VAC14: variants seen among roughly 807,000 people sequenced by gnomAD.
VAC14 encodes protein VAC14 homolog.
VAC14 carries 47 observed loss-of-function variants against 85.3 expected under a neutral mutation model. The observed-to-expected ratio is 0.55, with a 90% CI of 0.44 to 0.70. VAC14 has a LOEUF of 0.70. Ranked by LOEUF, VAC14 falls within the 30% of genes least tolerant of loss-of-function variation. The probability of loss-of-function intolerance (pLI) is 0.00; values close to 1 mark genes in which losing one functional copy is unlikely to be tolerated. For missense variants in VAC14, 861 were observed against 1,004.3 expected, an observed-to-expected ratio of 0.86 and a Z score of 1.93; for synonymous variants, 447 against 430.5, an observed-to-expected ratio of 1.04 and a Z score of -0.47.
chr16:70,781,259 A>T (rs187705982), intron 8 of VAC14, among the ~76,000 whole-genome samples: 140 of 152,326 alleles, frequency 9.2e-4, no homozygotes, highest in African/African-American at 2.4e-3. Context: ...CCTCACCAGA[A>T]GCCAAGCAGA....
rs192533605 is a variant in VAC14 at position 70,762,522 on chromosome 16, G to T, written c.1371+18C>A. The T allele has an allele frequency of 6.0e-5, 96 of 1,613,376 alleles. No individual in the cohort carries two copies. The highest frequency in any genetic ancestry group is 7.5e-5 in the Non-Finnish European group (89 of 1,179,444). On this transcript the variant is annotated intron_variant, in intron 12 of 18. Coordinates refer to ENST00000261776, the MANE Select transcript of VAC14 (RefSeq NM_018052.5). The surrounding 1 kb of genome is among the most constrained non-coding windows in gnomAD (Gnocchi z 4.1). ...GGCAGCCGATGTTCCATAAGTACGG[G>T]TGGCGTTGGTGACCTACCTCATCCG...
At chr16:70,770,517 G>A (rs189242447) in intron 10 of VAC14, 1 of 152,332 alleles carries the variant, frequency 6.6e-6, no homozygotes, top group East Asian at 1.9e-4. Context: ...GCACTGCGCT[G>A]GGGCCCTGGA....
At chr16:70,760,764 A>G (rs1217732905) in intron 12 of VAC14, among the ~76,000 whole-genome samples, 2 of 152,178 alleles carry the variant, frequency 1.3e-5, no homozygotes, top group Non-Finnish European at 2.9e-5. Context: ...ATGGGATTAA[A>G]CAACTCAGTT....
At chr16:70,795,980 A>T (rs1180120532) in intron 1 of VAC14, among the ~76,000 whole-genome samples, 2 of 152,106 alleles carry the variant, frequency 1.3e-5, no homozygotes, top group African/African-American at 4.8e-5. Context: ...TCTCCCCCAC[A>T]TTAGACTCTT....
chr16:70,708,689 A>G (rs906844762), intron 14 of VAC14, among the ~76,000 whole-genome samples: 2 of 152,190 alleles, frequency 1.3e-5, no homozygotes, highest in Non-Finnish European at 2.9e-5. Flanking sequence ...CCTGTGCTGG[A>G]GGCTCTGAAG....
In VAC14 at chr16:70,779,842, C is replaced by CT. The variant is rs1000471677; in HGVS notation, c.1096+947dup. Among the ~76,000 whole-genome samples, 839 of 147,206 alleles carry CT rather than the reference C, an allele frequency of 5.7e-3. 13 individuals carry two copies. Among genetic ancestry groups the CT allele is most frequent in the African/African-American group, 0.017 (677 of 40,206 alleles). On this transcript the variant is annotated intron_variant, in intron 9 of 18. Coordinates refer to ENST00000261776, the MANE Select transcript of VAC14 (RefSeq NM_018052.5). ...TCGGCATAAATGTGGTTTCTTTTTT[C>CT]TTTTTTTTTTGAGATAGGGTCTTTC...
At chr16:70,798,439 C>G (rs1415459813) in intron 1 of VAC14, among the ~76,000 whole-genome samples, 1 of 152,178 alleles carries the variant, frequency 6.6e-6, no homozygotes, top group Non-Finnish European at 1.5e-5. Context: ...TTAAAACATA[C>G]AATATCCTAT....
chr16:70,771,446 A>C (rs12924064), intron 10 of VAC14: 12,593 of 152,228 alleles, frequency 0.083, 548 homozygotes, highest in Middle Eastern at 0.14. Flanking sequence ...ACAGACAGCG[A>C]TGAGTCAAGG....
intron 14 of VAC14, among the ~76,000 whole-genome samples, chr16:70,711,055 CCT>C (rs1161783195): frequency 2.6e-5 from 4 of 152,242 alleles, no homozygotes; most frequent in African/African-American, 4.8e-5. Flanking sequence ...GCCGCCAGCC[CCT>C]GTCCCATCAG....
intron 12 of VAC14, among the ~76,000 whole-genome samples, chr16:70,748,906 C>T (rs145021289): frequency 9.2e-5 from 14 of 152,192 alleles, no homozygotes; most frequent in Admixed American, 2.0e-4. Flanking sequence ...TACTTCACTC[C>T]GGTCTGGGCA....
At chr16:70,794,721 G>T (rs915003838) in intron 1 of VAC14, among the ~76,000 whole-genome samples, 1 of 152,240 alleles carries the variant, frequency 6.6e-6, no homozygotes, top group Non-Finnish European at 1.5e-5. Context: ...AAACAGGTCT[G>T]CGTGTAGGTC....
chr16:70,777,609 C>G (rs906396198), intron 9 of VAC14, among the ~76,000 whole-genome samples: 3 of 152,118 alleles, frequency 2.0e-5, no homozygotes, highest in Admixed American at 1.3e-4. Context: ...AAGTGGCAGG[C>G]CAAGGGGGAG....
chr16:70,720,162 T>C (rs542159517), intron 14 of VAC14, among the ~76,000 whole-genome samples: 1 of 152,244 alleles, frequency 6.6e-6, no homozygotes, highest in Non-Finnish European at 1.5e-5. Context: ...TTGGAGTCAG[T>C]ACTTGAGGGA....
chr16:70,699,885 C>T (rs540694926), intron 14 of VAC14: 1 of 152,380 alleles, frequency 6.6e-6, no homozygotes, highest in South Asian at 2.1e-4. Context: ...CGTGGCACCC[C>T]TGCCCACACC....
intron 10 of VAC14, among the ~76,000 whole-genome samples, chr16:70,763,409 C>T (rs2143082248): frequency 6.6e-6 from 1 of 152,366 alleles, no homozygotes; most frequent in Non-Finnish European, 1.5e-5. Context: ...AGTCACTGAG[C>T]TGACCTGACC....
intron 12 of VAC14, among the ~76,000 whole-genome samples, chr16:70,760,817 A>C (rs2143044092): frequency 6.6e-6 from 1 of 152,274 alleles, no homozygotes; most frequent in South Asian, 2.1e-4. Flanking sequence ...AGTCCTAGGG[A>C]AGGAACCAAT....
At chr16:70,770,493 G>T (rs183823127) in intron 10 of VAC14, 4 of 152,318 alleles carry the variant, frequency 2.6e-5, no homozygotes, top group East Asian at 3.9e-4. Context: ...TGAAGGATCC[G>T]ACGTAAAGGT....
At chr16:70,759,952 T>C (rs2032186786) in intron 12 of VAC14, among the ~76,000 whole-genome samples, 1 of 152,124 alleles carries the variant, frequency 6.6e-6, no homozygotes, top group African/African-American at 2.4e-5. Context: ...CAGGCCATAG[T>C]TTTTAGAAAT....
chr16:70,796,270 A>G (rs1230743848), intron 1 of VAC14, among the ~76,000 whole-genome samples: 1 of 152,142 alleles, frequency 6.6e-6, no homozygotes, highest in Non-Finnish European at 1.5e-5. Flanking sequence ...CCTTCAGTTG[A>G]GGCAAGCATC....
Sources: allele counts gnomAD v4.1 joint callset (sites outside exome capture counted in the v4.1 genomes callset), GRCh38; gene constraint gnomAD v4.1.1; non-coding constraint Gnocchi (gnomAD v3.1); transcripts MANE v1.5; gene names NCBI Gene and HGNC (gene_info 2026-07-23, HGNC 2026-07-21).